IGFL2: variants seen among roughly 807,000 people sequenced by gnomAD.
IGFL2 encodes the protein insulin growth factor-like family member 2.
A neutral mutation model predicts 13.9 loss-of-function variants in IGFL2; 7 were observed. The observed-to-expected ratio is 0.51, with a 90% CI of 0.29 to 0.95. IGFL2 has a LOEUF of 0.95. Among genes scored for constraint, IGFL2 ranks in the 40% least tolerant of loss-of-function variants. The probability of loss-of-function intolerance (pLI) is 0.08; values close to 1 mark genes in which losing one functional copy is unlikely to be tolerated. For synonymous variants in IGFL2, 55 were observed against 55.8 expected (o/e 0.99, Z 0.07); for missense variants, 138 against 147.8 (o/e 0.93, Z 0.34).
At chr19:46,179,056 G>A in the IGFL2 span, among the ~76,000 whole-genome samples, 1 of 152,142 alleles carries the variant, frequency 6.6e-6, no homozygotes, top group South Asian at 2.1e-4. Context: ...GAGGATAGGT[G>A]AGGAGAGGAG....
At chr19:46,178,950 A>G in the IGFL2 span, among the ~76,000 whole-genome samples, 2 of 152,068 alleles carry the variant, frequency 1.3e-5, no homozygotes, top group East Asian at 3.9e-4. Flanking sequence ...CTCAGAATAA[A>G]CCTCTTTAAA....
chr19:46,147,623 G>A (rs1376473853), upstream of IGFL2, among the ~76,000 whole-genome samples: 5 of 152,136 alleles, frequency 3.3e-5, no homozygotes, highest in Admixed American at 2.6e-4. Flanking sequence ...TGACCCCATC[G>A]TACTTAGCCT....
chr19:46,175,933 C>A, the IGFL2 span, among the ~76,000 whole-genome samples: 1 of 151,240 alleles, frequency 6.6e-6, no homozygotes, highest in South Asian at 2.1e-4. Flanking sequence ...ACCTCCACCT[C>A]CCTGGTTCAA....
At chr19:46,151,396 T>G (rs918544202) in intron 1 of IGFL2, among the ~76,000 whole-genome samples, 1 of 152,210 alleles carries the variant, frequency 6.6e-6, no homozygotes, top group Non-Finnish European at 1.5e-5. Flanking sequence ...TTGTTGAAAT[T>G]TGATTTCAAC....
the IGFL2 span, among the ~76,000 whole-genome samples, chr19:46,106,989 T>G: frequency 6.6e-6 from 1 of 152,000 alleles, no homozygotes; most frequent in East Asian, 1.9e-4. Context: ...CCAGGAATAG[T>G]CAGGGAAGCA....
At chr19:46,206,482 G>A in the IGFL2 span, among the ~76,000 whole-genome samples, 1 of 152,208 alleles carries the variant, frequency 6.6e-6, no homozygotes, top group African/African-American at 2.4e-5. Context: ...CTTTGTGTGT[G>A]TGGGGCGGGG....
At chr19:46,191,933 C>T in the IGFL2 span, among the ~76,000 whole-genome samples, 88 of 152,276 alleles carry the variant, frequency 5.8e-4, no homozygotes, top group South Asian at 2.3e-3. Context: ...TTGATTCATA[C>T]TTTTCTTCTT....
upstream of IGFL2, among the ~76,000 whole-genome samples, chr19:46,145,246 T>C (rs1267002939): frequency 6.6e-6 from 1 of 152,144 alleles, no homozygotes; most frequent in Non-Finnish European, 1.5e-5. Context: ...ATCAGTAAAA[T>C]ATGAGAAATT....
chr19:46,118,777 AC>A, the IGFL2 span, among the ~76,000 whole-genome samples: 1 of 152,186 alleles, frequency 6.6e-6, no homozygotes, highest in African/African-American at 2.4e-5. Context: ...GTTGAGACTT[AC>A]ACGTGAGCAG....
At chr19:46,104,929 T>C in the IGFL2 span, among the ~76,000 whole-genome samples, 1 of 151,860 alleles carries the variant, frequency 6.6e-6, no homozygotes, top group African/African-American at 2.4e-5. Context: ...TGAGAGGAGA[T>C]TGATAGGTGG....
At chr19:46,152,323 G>A (rs986353838) in intron 1 of IGFL2, among the ~76,000 whole-genome samples, 4 of 150,082 alleles carry the variant, frequency 2.7e-5, no homozygotes, top group African/African-American at 7.4e-5. Context: ...ATCATGCAGG[G>A]TGGCGTGCAG....
At chr19:46,130,365 G>A in the IGFL2 span, among the ~76,000 whole-genome samples, 7,002 of 152,218 alleles carry the variant, frequency 0.046, 270 homozygotes, top group African/African-American at 0.099. Context: ...CGTTTCCTAT[G>A]AAACAGCCTT....
the IGFL2 span, among the ~76,000 whole-genome samples, chr19:46,101,880 TAGGTAACATTG>T: frequency 9.2e-5 from 14 of 152,256 alleles, no homozygotes; most frequent in East Asian, 2.5e-3. Context: ...TTTCCAAGGC[TAGGTAACATTG>T]AGGTGGGCAA....
the IGFL2 span, among the ~76,000 whole-genome samples, chr19:46,107,216 A>G: frequency 1.3e-5 from 2 of 152,272 alleles, no homozygotes; most frequent in Middle Eastern, 3.4e-3. Context: ...CTCCATATTG[A>G]TCAAGAAGGG....
At chr19:46,158,737 T>C (rs930657477) in intron 1 of IGFL2, among the ~76,000 whole-genome samples, 1 of 152,120 alleles carries the variant, frequency 6.6e-6, no homozygotes, top group Non-Finnish European at 1.5e-5. Flanking sequence ...TTAGGCTTTG[T>C]AAAGGAGGCC....
At chr19:46,163,580 C>A (rs1403941900), downstream of IGFL2, among the ~76,000 whole-genome samples, 1 of 152,170 alleles carries the variant, frequency 6.6e-6, no homozygotes, top group Non-Finnish European at 1.5e-5. Context: ...AGGGCCTTTG[C>A]TCCTTTGTTA....
chr19:46,088,768 G>C, the IGFL2 span, among the ~76,000 whole-genome samples: 1 of 152,164 alleles, frequency 6.6e-6, no homozygotes, highest in Admixed American at 6.5e-5. Context: ...GAGCTCTTCT[G>C]GAGTGATCAT....
At chr19:46,098,512 T>C in the IGFL2 span, among the ~76,000 whole-genome samples, 1,887 of 148,352 alleles carry the variant, frequency 0.013, 29 homozygotes, top group Middle Eastern at 0.024. Context: ...TGGAGTCTCG[T>C]TCTGCCACCC....
chr19:46,094,773 T>C, the IGFL2 span, among the ~76,000 whole-genome samples: 4 of 152,184 alleles, frequency 2.6e-5, no homozygotes, highest in African/African-American at 9.7e-5. Flanking sequence ...AGTGAGAACA[T>C]GCAGTATTTG....
Sources: allele counts gnomAD v4.1 joint callset (sites outside exome capture counted in the v4.1 genomes callset), GRCh38; gene constraint gnomAD v4.1.1; transcripts MANE v1.5; gene names NCBI Gene and HGNC (gene_info 2026-07-23, HGNC 2026-07-21).